Variants in VPS13B observed in about 807,000 individuals in gnomAD.
VPS13B encodes the protein vacuolar protein sorting 13 homolog B.
Under a neutral mutation model 426.4 loss-of-function variants are expected in VPS13B, and 285 were observed. The observed-to-expected ratio is 0.67, with a 90% CI of 0.61 to 0.74. The LOEUF is 0.74. VPS13B is among the 30% of genes least tolerant of loss of function. The probability of loss-of-function intolerance (pLI) is 0.00; values close to 1 mark genes in which losing one functional copy is unlikely to be tolerated. For missense variants in VPS13B, 4,537 were observed against 4,782.6 expected, an observed-to-expected ratio of 0.95 and a Z score of 1.51; for synonymous variants, 1,676 against 1,676.4, an observed-to-expected ratio of 1.00 and a Z score of 0.01.
At chr8:99,342,037 T>G (rs911081711) in intron 19 of VPS13B, among the ~76,000 whole-genome samples, 28 of 152,254 alleles carry the variant, frequency 1.8e-4, no homozygotes, top group Admixed American at 1.8e-3. Flanking sequence ...ATTATTTTTA[T>G]TGCTGATGAT....
At chr8:99,338,059 G>C (rs775703712) in intron 19 of VPS13B, among the ~76,000 whole-genome samples, 8 of 152,056 alleles carry the variant, frequency 5.3e-5, no homozygotes, top group Non-Finnish European at 8.8e-5. Context: ...TAATCTGTTT[G>C]TCCATGGTCA....
chr8:99,795,404 A>T (rs756439503), intron 43 of VPS13B, among the ~76,000 whole-genome samples: 8 of 152,162 alleles, frequency 5.3e-5, no homozygotes, highest in Non-Finnish European at 1.0e-4. Flanking sequence ...GACATTCACT[A>T]ACAGCCTTCT....
intron 3 of VPS13B, among the ~76,000 whole-genome samples, chr8:99,074,116 G>A (rs1053839412): frequency 1.3e-5 from 2 of 152,068 alleles, no homozygotes; most frequent in Admixed American, 1.3e-4. Context: ...GTACTGTGTT[G>A]AGTAAGAATG....
intron 21 of VPS13B, among the ~76,000 whole-genome samples, chr8:99,395,330 T>G (rs1450087487): frequency 6.6e-6 from 1 of 152,222 alleles, no homozygotes; most frequent in Non-Finnish European, 1.5e-5. Flanking sequence ...AAGACATGAA[T>G]GCATGGCGAT....
intron 19 of VPS13B, among the ~76,000 whole-genome samples, chr8:99,281,719 T>C (rs906573247): frequency 1.3e-5 from 2 of 152,224 alleles, no homozygotes; most frequent in Non-Finnish European, 2.9e-5. Flanking sequence ...GAAACTGTGG[T>C]AGCGTATGAT....
chr8:99,484,652 A>G (rs1020221011), intron 25 of VPS13B, among the ~76,000 whole-genome samples: 1 of 152,130 alleles, frequency 6.6e-6, no homozygotes, highest in African/African-American at 2.4e-5. Flanking sequence ...AAAGAGGTAA[A>G]TTTAAACCCA....
chr8:99,092,137 A>T (rs1846183045), intron 3 of VPS13B: 1 of 152,202 alleles, frequency 6.6e-6, no homozygotes, highest in Admixed American at 6.5e-5. Context: ...ACATGAACTC[A>T]TGATCTGTCA....
At chr8:99,106,430 A>C (rs1847048426) in intron 5 of VPS13B, among the ~76,000 whole-genome samples, 1 of 69,358 alleles carries the variant, frequency 1.4e-5, no homozygotes, top group African/African-American at 6.7e-5. Context: ...GTGAGACTCC[A>C]CCTCAAAAAA....
chr8:99,418,045 TTC>T (rs765663062), intron 21 of VPS13B, among the ~76,000 whole-genome samples: 5 of 152,170 alleles, frequency 3.3e-5, no homozygotes, highest in Non-Finnish European at 7.4e-5. Flanking sequence ...GTATCTGAAA[TTC>T]TGTCACAAAG....
chr8:99,633,820 T>TGTGTGTGTGC (rs1358193306), intron 33 of VPS13B, among the ~76,000 whole-genome samples: 13 of 151,288 alleles, frequency 8.6e-5, no homozygotes, highest in Admixed American at 6.0e-4. Flanking sequence ...TGTGTGTGTG[T>TGTGTGTGTGC]GTGTGTGTGT....
intron 23 of VPS13B, among the ~76,000 whole-genome samples, chr8:99,463,114 A>G (rs1279784555): frequency 1.3e-5 from 2 of 152,218 alleles, no homozygotes; most frequent in African/African-American, 4.8e-5. Context: ...ACACACTGTT[A>G]TAATATTCAC....
chr8:99,443,912 GC>G (rs1817792210), intron 23 of VPS13B, among the ~76,000 whole-genome samples: 1 of 151,952 alleles, frequency 6.6e-6, no homozygotes. Context: ...CAAACTGTCT[GC>G]ACCATTTTAT....
chr8:99,360,184 TTCTTTCTCTCTC>T (rs1327259425), intron 19 of VPS13B, among the ~76,000 whole-genome samples: 2 of 35,262 alleles, frequency 5.7e-5, no homozygotes, highest in Non-Finnish European at 1.1e-4. Flanking sequence ...CTTTCTTTCT[TTCTTTCTCTCTC>T]TCTCTCTCTC....
intron 3 of VPS13B, among the ~76,000 whole-genome samples, chr8:99,090,958 G>A (rs1172309179): frequency 6.6e-6 from 1 of 152,088 alleles, no homozygotes; most frequent in Non-Finnish European, 1.5e-5. Flanking sequence ...GTGGGAGAGG[G>A]AGGTGGCAAT....
At chr8:99,624,664 C>A (rs1828526362) in intron 33 of VPS13B, among the ~76,000 whole-genome samples, 1 of 152,066 alleles carries the variant, frequency 6.6e-6, no homozygotes, top group Admixed American at 6.6e-5. Context: ...TAATATTTAC[C>A]CCCACTTTTA....
At chr8:99,582,328 T>A (rs1011735642) in intron 33 of VPS13B, among the ~76,000 whole-genome samples, 5 of 152,226 alleles carry the variant, frequency 3.3e-5, no homozygotes, top group African/African-American at 1.2e-4. Context: ...CACCTCATTC[T>A]GCCCAACAGT....
chr8:99,833,020 A>C (rs1815168202), intron 52 of VPS13B, among the ~76,000 whole-genome samples: 1 of 152,224 alleles, frequency 6.6e-6, no homozygotes, highest in Non-Finnish European at 1.5e-5. Flanking sequence ...ATAAAATTAT[A>C]AGAAATAAGG....
At chr8:99,809,340 T>C in intron 43 of VPS13B, 35 bp from the exon 44 acceptor site, 2 of 1,613,688 alleles carry the variant, frequency 1.2e-6, no homozygotes, top group Non-Finnish European at 1.7e-6. Context: ...TGTTGGCACG[T>C]TTGGCATTAT....
chr8:99,447,873 C>T (rs1225309847), intron 23 of VPS13B, among the ~76,000 whole-genome samples: 1 of 151,824 alleles, frequency 6.6e-6, no homozygotes, highest in Non-Finnish European at 1.5e-5. Context: ...CTATTATACT[C>T]TGTCTTTTCA....
Sources: allele counts gnomAD v4.1 joint callset (sites outside exome capture counted in the v4.1 genomes callset), GRCh38; gene constraint gnomAD v4.1.1; transcripts MANE v1.5; gene names NCBI Gene and HGNC (gene_info 2026-07-23, HGNC 2026-07-21).